Variants in NPIPB11 observed in about 807,000 individuals in gnomAD.
NPIPB11 encodes the protein nuclear pore complex interacting protein family member B11.
In NPIPB11, 17 loss-of-function variants were observed where a neutral mutation model predicts 32.8. That is an observed-to-expected ratio of 0.52 (90% CI 0.35 to 0.78). The LOEUF is 0.78. Among genes scored for constraint, NPIPB11 ranks in the 30% least tolerant of loss-of-function variants. The pLI is 0.01. For synonymous variants in NPIPB11, 209 were observed against 398.4 expected, an observed-to-expected ratio of 0.52 and a Z score of 5.66; for missense variants, 537 against 1,000.4, an observed-to-expected ratio of 0.54 and a Z score of 6.25.
intron 3 of NPIPB11, among the ~76,000 whole-genome samples, chr16:29,393,579 T>C (rs982091498): frequency 6.6e-6 from 1 of 151,202 alleles, no homozygotes; most frequent in Non-Finnish European, 1.5e-5. Context: ...GCAGTGAATC[T>C]TCAGAGAGGA....
chr16:29,396,873 C>A (rs1963866600), intron 2 of NPIPB11, among the ~76,000 whole-genome samples: 1 of 150,482 alleles, frequency 6.6e-6, no homozygotes, highest in South Asian at 2.1e-4. Context: ...ATATTTTGGC[C>A]AGGCGCGGTG....
upstream of NPIPB11, among the ~76,000 whole-genome samples, chr16:29,406,132 G>T (rs1240304789): frequency 1.3e-5 from 2 of 152,270 alleles, no homozygotes; most frequent in Admixed American, 1.3e-4. Context: ...CTAACTTTGG[G>T]ATTTTTTCAG....
intron 5 of NPIPB11, among the ~76,000 whole-genome samples, chr16:29,389,710 A>G (rs1451654536): frequency 6.8e-6 from 1 of 146,548 alleles, no homozygotes; most frequent in Admixed American, 6.9e-5. Flanking sequence ...AGAAAGGAAA[A>G]CCAATGCCAG....
At chr16:29,397,096 C>T (rs918789618) in intron 2 of NPIPB11, among the ~76,000 whole-genome samples, 10 of 149,512 alleles carry the variant, frequency 6.7e-5, no homozygotes, top group Admixed American at 4.7e-4. Flanking sequence ...GCTTGAACCC[C>T]GGAAGCGGAG....
At chr16:29,406,204 GA>G (rs1340773300), upstream of NPIPB11, among the ~76,000 whole-genome samples, 1 of 152,220 alleles carries the variant, frequency 6.6e-6, no homozygotes, top group Non-Finnish European at 1.5e-5. Flanking sequence ...TAAGTGATTC[GA>G]TTTATTTGGT....
intron 2 of NPIPB11, among the ~76,000 whole-genome samples, chr16:29,396,602 A>G (rs888655332): frequency 6.7e-6 from 1 of 150,368 alleles, no homozygotes; most frequent in African/African-American, 2.4e-5. Context: ...TCTCTACTAA[A>G]AATACAAAAT....
At chr16:29,389,668 G>GAAAAA (rs1160526743) in intron 5 of NPIPB11, among the ~76,000 whole-genome samples, 34 of 17,290 alleles carry the variant, frequency 2.0e-3, no homozygotes, top group African/African-American at 5.6e-3. Context: ...TCCATCTCAG[G>GAAAAA]AAAAAAAAAA....
chr16:29,405,614 T>C (rs1200838369), upstream of NPIPB11, among the ~76,000 whole-genome samples: 2 of 152,118 alleles, frequency 1.3e-5, no homozygotes, highest in Non-Finnish European at 1.5e-5. Flanking sequence ...GTCACACGGC[T>C]AGTAAGTGTG....
Position 29,398,767 on chromosome 16 carries a change from A to G in NPIPB11, c.121-4691T>C, listed in dbSNP as rs62035604. Among the ~76,000 whole-genome samples, 313 of 150,814 alleles carry G rather than the reference A, an allele frequency of 2.1e-3. 1 individual carries two copies. The highest frequency in any genetic ancestry group is 6.9e-3 in the Middle Eastern group (2 of 290). On this transcript the variant is annotated intron_variant, in intron 2 of 7. Coordinates refer to ENST00000524087, the Ensembl canonical transcript of NPIPB11. ...CAAGATTGCCTTTCAACTCAATGAT[A>G]AGATCATAACATGGCAATAAAATGT...
At chr16:29,396,794 C>T (rs1227033666) in intron 2 of NPIPB11, among the ~76,000 whole-genome samples, 1 of 149,962 alleles carries the variant, frequency 6.7e-6, no homozygotes, top group Non-Finnish European at 1.5e-5. Context: ...TAATGTAGAT[C>T]TTGAAAGGGG....
intron 2 of NPIPB11, among the ~76,000 whole-genome samples, chr16:29,400,959 G>A (rs1963975044): frequency 6.6e-6 from 1 of 152,128 alleles, no homozygotes; most frequent in Admixed American, 6.6e-5. Context: ...TGCTCCGGCA[G>A]GGTACAGGCT....
At chr16:29,393,978 A>G (rs1203634282) in exon 3 of NPIPB11, 5 of 1,599,430 alleles carry the variant, frequency 3.1e-6, no homozygotes, top group Non-Finnish European at 2.5e-6. Context: ...GGGTAATGAC[A>G]ACTTTATAAC....
At chr16:29,392,682 C>A (rs1255926404) in intron 3 of NPIPB11, among the ~76,000 whole-genome samples, 2 of 149,524 alleles carry the variant, frequency 1.3e-5, no homozygotes, top group Non-Finnish European at 1.5e-5. Context: ...TATACTCCAG[C>A]CTGGGCAACA....
chr16:29,398,823 G>A (rs1301443005), intron 2 of NPIPB11, among the ~76,000 whole-genome samples: 1 of 151,918 alleles, frequency 6.6e-6, no homozygotes, highest in African/African-American at 2.4e-5. Flanking sequence ...CCTCTTTGTG[G>A]CACAAGGTTG....
intron 3 of NPIPB11, 68 bp from the exon 4 acceptor site, chr16:29,390,416 G>C: frequency 1.9e-6 from 3 of 1,595,352 alleles, no homozygotes; most frequent in East Asian, 2.2e-5. Flanking sequence ...CAGTACTTCG[G>C]GAAGCTGAGG....
At chr16:29,392,108 G>A (rs1322867504) in intron 3 of NPIPB11, among the ~76,000 whole-genome samples, 5 of 151,708 alleles carry the variant, frequency 3.3e-5, no homozygotes, top group African/African-American at 9.7e-5. Context: ...CTAGGATTTC[G>A]AGAGAAGCAA....
upstream of NPIPB11, among the ~76,000 whole-genome samples, chr16:29,406,260 G>C (rs1430638392): frequency 7.9e-5 from 12 of 152,252 alleles, no homozygotes; most frequent in Admixed American, 7.2e-4. Flanking sequence ...TACTGCATGG[G>C]AGGGCACTGT....
upstream of NPIPB11, among the ~76,000 whole-genome samples, chr16:29,406,265 C>A (rs1313743902): frequency 6.6e-6 from 1 of 152,246 alleles, no homozygotes; most frequent in East Asian, 1.9e-4. Flanking sequence ...CATGGGAGGG[C>A]ACTGTCAAGT....
chr16:29,392,170 G>T (rs988320490), intron 3 of NPIPB11, among the ~76,000 whole-genome samples: 1 of 152,060 alleles, frequency 6.6e-6, no homozygotes, highest in African/African-American at 2.4e-5. Context: ...CACAGCTACT[G>T]CTAGATTTCA....
Sources: allele counts gnomAD v4.1 joint callset (sites outside exome capture counted in the v4.1 genomes callset), GRCh38; gene constraint gnomAD v4.1.1; transcripts MANE v1.5; gene names NCBI Gene and HGNC (gene_info 2026-07-23, HGNC 2026-07-21).